The following FBXW5 variants were observed in gnomAD, a reference collection of about 807,000 sequenced individuals.
FBXW5 encodes the protein F-box and WD repeat domain containing 5.
A neutral mutation model predicts 50.9 loss-of-function variants in FBXW5; 74 were observed. The observed-to-expected ratio is 1.45, with a 90% CI of 1.20 to 1.76. The LOEUF is 1.76. Ranked by LOEUF, FBXW5 falls within the 40% of genes most tolerant of loss-of-function variation. The pLI is 0.00. For missense variants in FBXW5, 1,073 were observed against 818.8 expected (o/e 1.31, Z -3.79); for synonymous variants, 523 against 362.2 (o/e 1.44, Z -5.04).
chr9:136,942,506 A>G (rs945223193), intron 5 of FBXW5, 40 bp from the exon 6 acceptor site: 28 of 1,596,986 alleles, frequency 1.8e-5, no homozygotes, highest in Non-Finnish European at 2.4e-5. Context: ...GCCGGGCGCC[A>G]GGCCCCAGGA....
chr9:136,941,622 C>T lies in FBXW5; in HGVS notation c.1159G>A (p.Gly387Ser). The T allele has an allele frequency of 6.3e-7, 1 of 1,584,400 alleles. No homozygotes were observed. Among genetic ancestry groups the T allele is most frequent in the Non-Finnish European group, 8.6e-7 (1 of 1,165,854 alleles). Residue 387 changes from glycine (G) to serine (S), a missense_variant, in exon 7 of 9, where the codon GGC becomes AGC. Coordinates refer to ENST00000325285, the MANE Select transcript of FBXW5 (RefSeq NM_018998.4). ...TAGPVLGEGR[G>S]SDAFFDALDH... ...AGCGCGTCGAAGAAGGCATCGGAGC[C>T]CCGGCCCTCACCCAGCACGGGCCCT...
At chr9:136,943,838 G>C in intron 2 of FBXW5, 53 bp downstream of exon 2, 40 of 1,530,080 alleles carry the variant, frequency 2.6e-5, no homozygotes, top group Non-Finnish European at 3.5e-5. Flanking sequence ...CCAAGCGCAG[G>C]GGCCCGGGGC....
In FBXW5 at chr9:136,944,545, C is replaced by T. The variant is rs568004230; in HGVS notation, c.-24+49G>A. ...TCGGGGCTCCTGCACTCGCCCAAGG[C>T]GGGCGGGGACGACAAGGCGGGACCC... On this transcript the variant is annotated intron_variant, in intron 1 of 8. Coordinates refer to ENST00000325285, the MANE Select transcript of FBXW5 (RefSeq NM_018998.4). 1.4e-4 allele frequency: 133 copies of T among 983,750 alleles called. No homozygotes were observed. In the Middle Eastern group the frequency reaches 1.6e-3, roughly 12 times the overall value. 60.9% of individuals were successfully genotyped at this position (983,750 alleles called of 1,614,324 possible).
In FBXW5 at chr9:136,943,517, G is replaced by A; in HGVS notation, c.194-11C>T. On this transcript the variant is annotated splice_polypyrimidine_tract_variant and intron_variant, in intron 2 of 8. Coordinates refer to ENST00000325285, the MANE Select transcript of FBXW5 (RefSeq NM_018998.4). Reference sequence around the variant, plus strand: ...ACCAGGACATGGCCGCTGCGGGTGGGCAGTTGTCAGTCCTGGGCCCGGGCC... The same window carrying A: ...ACCAGGACATGGCCGCTGCGGGTGGACAGTTGTCAGTCCTGGGCCCGGGCC... The A allele has an allele frequency of 1.2e-6, 2 of 1,604,776 alleles. No homozygotes were observed. Among genetic ancestry groups the A allele is most frequent in the Non-Finnish European group, 1.7e-6 (2 of 1,173,936 alleles).
chr9:136,943,928 G>T lies in FBXW5; in HGVS notation c.156C>A (p.Arg52=), dbSNP rs780365974. 6.4e-7 allele frequency: 1 copy of T among 1,551,790 alleles called. No individual in the cohort carries two copies. The highest frequency in any genetic ancestry group is 8.7e-7 in the Non-Finnish European group (1 of 1,148,036). ...DEFLWREQFY[R]YYQVARDVPR... ...GCACGTCGCGGGCCACCTGGTAGTA[G>T]CGGTAGAACTGCTCCCTCCACAGGA... Residue 52 remains arginine (R), a synonymous_variant, in exon 2 of 9, where the codon CGC becomes CGA. Transcript: ENST00000325285.
chr9:136,942,626 G>C lies in FBXW5; in HGVS notation c.596C>G (p.Thr199Ser). ...YDVFGCWLTE[T>S]SLISGNLHRI... ...GTGCAGGTTCCCCGAGATGAGGCTG[G>C]TCTCGGTGAGCCAACAGCCAAACAC... Residue 199 changes from threonine (T) to serine (S), a missense_variant, in exon 5 of 9, where the codon ACC becomes AGC. Physicochemically the swap from Thr to Ser is moderately conservative, Grantham distance 58. Transcript: ENST00000325285. 6.2e-7 allele frequency: 1 copy of C among 1,609,958 alleles called. No homozygotes were observed. The highest frequency in any genetic ancestry group is 2.2e-5 in the East Asian group (1 of 44,792).
At chr9:136,942,012 G>A (rs1483611514) in intron 6 of FBXW5, 34 bp downstream of exon 6, 3 of 1,572,286 alleles carry the variant, frequency 1.9e-6, no homozygotes, top group Non-Finnish European at 2.6e-6. Flanking sequence ...AAGCTCCTAG[G>A]ACCGAGGCGG....
At chr9:136,942,498 C>A in intron 5 of FBXW5, 32 bp from the exon 6 acceptor site, 1 of 1,597,932 alleles carries the variant, frequency 6.3e-7, no homozygotes. Context: ...AGGTGGGCGC[C>A]GGGCGCCAGG....
At chr9:136,943,138 CTG>C (rs1446280509) in intron 3 of FBXW5, 195 bp from the exon 4 acceptor site, 3 of 1,038,886 alleles carry the variant, frequency 2.9e-6, no homozygotes, top group African/African-American at 1.6e-5. Context: ...AAGCAGGCGG[CTG>C]TGTGTGGGAC....
In FBXW5 at chr9:136,941,609, A is replaced by G. The variant is rs368901085; in HGVS notation, c.1172T>C (p.Phe391Ser). The change falls in exon 7 of 9, where the codon TTC becomes TCC. Residue 391 changes from phenylalanine to serine, a missense_variant. Coordinates refer to ENST00000325285, the MANE Select transcript of FBXW5 (RefSeq NM_018998.4). ...VLGEGRGSDA[F>S]FDALDHVIDI... ...TATGACGTGGTCCAGCGCGTCGAAG[A>G]AGGCATCGGAGCCCCGGCCCTCACC... 3.0e-4 allele frequency: 484 copies of G among 1,594,978 alleles called. No individual in the cohort carries two copies. Among genetic ancestry groups the G allele is most frequent in the Admixed American group, 4.9e-4 (28 of 57,370 alleles).
intron 5 of FBXW5, 26 bp downstream of exon 5, chr9:136,942,521 A>C: frequency 6.2e-7 from 1 of 1,600,518 alleles, no homozygotes; most frequent in South Asian, 1.1e-5. Flanking sequence ...CCAGGAGGGC[A>C]GCCCCGCCCC....
chr9:136,944,242 G>A (rs1850942472), intron 1 of FBXW5, 136 bp from the exon 2 acceptor site: 2 of 996,678 alleles, frequency 2.0e-6, no homozygotes, highest in Non-Finnish European at 2.8e-6. Flanking sequence ...CCCGGGTACC[G>A]CCGCCCAACC....
Position 136,941,442 on chromosome 9 carries a change from G to A in FBXW5, c.1266C>T (p.Arg422=), listed in dbSNP as rs773186295. The A allele has an allele frequency of 1.3e-5, 21 of 1,608,108 alleles. No homozygotes were observed. In the East Asian group the frequency reaches 3.1e-4, roughly 24 times the overall value. ...PDNRYLYVNS[R]AWPNGAVVAD... ...CCACCACCGCACCGTTGGGCCAGGC[G>A]CGGCTGTTCACGTACAGGTACCTGG... The change falls in exon 8 of 9, where the codon CGC becomes CGT. Residue 422 remains arginine (R), a synonymous_variant. Coordinates refer to ENST00000325285, the MANE Select transcript of FBXW5 (RefSeq NM_018998.4).
chr9:136,940,944 G>C lies in FBXW5; in HGVS notation c.1685C>G (p.Ala562Gly). 3 of 1,574,454 alleles carry C rather than the reference G, an allele frequency of 1.9e-6. No individual in the cohort carries two copies. The highest frequency in any genetic ancestry group is 2.3e-5 in the South Asian group (2 of 86,990). Reference sequence around the variant, plus strand: ...CAGCACACCTCAGCGCCTCTGGCTGGCAAGCCAGGAGAAGAAGGTGCGAGG... The same window carrying C: ...CAGCACACCTCAGCGCCTCTGGCTGCCAAGCCAGGAGAAGAAGGTGCGAGG... ...PRPRTFFSWL[A>G]SQRR The change falls in exon 9 of 9, where the codon GCC becomes GGC. Residue 562 changes from alanine to glycine, a missense_variant. Coordinates refer to ENST00000325285, the MANE Select transcript of FBXW5 (RefSeq NM_018998.4).
Position 136,944,071 on chromosome 9 carries a change from C to A in FBXW5, c.13G>T (p.Gly5Cys). ...AGGCTGTCGGGGAGCAGGGGCGTGC[C>A]GCCCTCGTCCATCGTGACATTCTGC... is the stretch of plus-strand genomic sequence containing the variant. MDEG[G>C]TPLLPDSLVY... is the part of the protein sequence containing the mutation. The change falls in exon 2 of 9, where the codon GGC becomes TGC. Residue 5 changes from glycine to cysteine, a missense_variant. By Grantham distance (159) the Gly-to-Cys change is radical (BLOSUM62 -3). Transcript: ENST00000325285. 3.1e-6 allele frequency: 5 copies of A among 1,595,950 alleles called. No individual in the cohort carries two copies. Among genetic ancestry groups the A allele is most frequent in the African/African-American group, 1.3e-5 (1 of 74,596 alleles).
At position 136,940,534 on chromosome 9, in the gene FBXW5, G is replaced by A. The variant is rs762212778; in HGVS notation, c.*394C>T. On this transcript the variant is annotated 3_prime_UTR_variant, in exon 9 of 9. Transcript: ENST00000325285. ...GCGTGACCGGCCGCTCCCAAGCCCC[G>A]GGCGCACAACCACAGCCAGGAGCAG... 1.5e-4 allele frequency: 38 copies of A among 250,184 alleles called. No homozygotes were observed. Among genetic ancestry groups the A allele is most frequent in the Admixed American group, 8.8e-4 (18 of 20,508 alleles). 15.5% of individuals were successfully genotyped at this position (250,184 alleles called of 1,614,324 possible). A position where few individuals can be genotyped will look rare whatever the true frequency, so the allele number is the denominator to read the frequency against.
Position 136,941,116 on chromosome 9 carries a change from CCAGA to C in FBXW5, c.1509_1512del (p.Cys503TrpfsTer100). 3 of 1,596,590 alleles carry C rather than the reference CCAGA, an allele frequency of 1.9e-6. No homozygotes were observed. Among genetic ancestry groups the C allele is most frequent in the East Asian group, 2.3e-5 (1 of 44,156 alleles). ...ACCACATCCTCGTGCCGCAGCCTGG[CCAGA>C]CAGATGTTGTAGTGGCGGTCCCAGA... is the stretch of plus-strand genomic sequence containing the variant. On this transcript the variant is annotated frameshift_variant, in exon 9 of 9. Coordinates refer to ENST00000325285, the MANE Select transcript of FBXW5 (RefSeq NM_018998.4). LOFTEE classifies it high-confidence loss of function.
chr9:136,940,768 G>A lies in FBXW5; in HGVS notation c.*160C>T, dbSNP rs1384400366. The A allele has an allele frequency of 1.7e-6, 2 of 1,192,920 alleles. No homozygotes were observed. Among genetic ancestry groups the A allele is most frequent in the Non-Finnish European group, 2.3e-6 (2 of 874,140 alleles). 73.9% of individuals were successfully genotyped at this position (1,192,920 alleles called of 1,614,324 possible). A position where few individuals can be genotyped will look rare whatever the true frequency, so the allele number is the denominator to read the frequency against. ...CCACCCCGTGCCAAGCATCACAGCT[G>A]CGTGAGCAGGTTTGTGTGTGAGCGT... On this transcript the variant is annotated 3_prime_UTR_variant, in exon 9 of 9. Coordinates refer to ENST00000325285, the MANE Select transcript of FBXW5 (RefSeq NM_018998.4).
chr9:136,941,175 C>T lies in FBXW5; in HGVS notation c.1458-4G>A, dbSNP rs1312221350. 6.2e-7 allele frequency: 1 copy of T among 1,601,724 alleles called. No homozygotes were observed. The highest frequency in any genetic ancestry group is 8.5e-7 in the Non-Finnish European group (1 of 1,176,294). On this transcript the variant is annotated splice_polypyrimidine_tract_variant and splice_region_variant and intron_variant, in intron 8 of 8. Transcript: ENST00000325285. ...GCCGTGCCGGTCCTCCGCCCCGCTG[C>T]AGAACAGCGCCTGGGTGAGCCGGCC...
Sources: gnomAD v4.1 joint callset for allele counts on GRCh38, gnomAD v4.1.1 for gene constraint, MANE v1.5 for transcripts, NCBI Gene and HGNC (gene_info 2026-07-23, HGNC 2026-07-21) for gene names.